Variants in STAT4 observed in about 807,000 individuals in gnomAD.
The protein encoded by STAT4 is signal transducer and activator of transcription 4.
STAT4 carries 42 observed loss-of-function variants against 110.5 expected under a neutral mutation model. The ratio of observed to expected loss-of-function variants is 0.38; its 90% CI spans 0.30 to 0.49. The LOEUF is 0.49. Among genes scored for constraint, STAT4 ranks in the 20% least tolerant of loss-of-function variants. The pLI is 0.95. For synonymous variants in STAT4, 284 were observed against 302.2 expected (o/e 0.94, Z 0.63); for missense variants, 632 against 887.9 (o/e 0.71, Z 3.66).
chr2:191,049,310 G>A (rs576953991), intron 14 of STAT4, among the ~76,000 whole-genome samples: 31 of 151,812 alleles, frequency 2.0e-4, no homozygotes, highest in Non-Finnish European at 3.8e-4. Flanking sequence ...GAGTAGCTGG[G>A]ACTACAGGCA....
At chr2:191,106,960 G>C (rs1354747049) in intron 3 of STAT4, among the ~76,000 whole-genome samples, 1 of 152,218 alleles carries the variant, frequency 6.6e-6, no homozygotes, top group Non-Finnish European at 1.5e-5. Flanking sequence ...GAATGTTGCT[G>C]TCTGGGGAGG....
At chr2:191,097,319 C>T (rs1353549782) in intron 3 of STAT4, among the ~76,000 whole-genome samples, 3 of 152,108 alleles carry the variant, frequency 2.0e-5, no homozygotes, top group South Asian at 4.1e-4. Context: ...CAAGTCAATC[C>T]TAAACAAAAA....
At position 191,032,953 on chromosome 2, in the gene STAT4, C is replaced by T. The variant is rs1695941036; in HGVS notation, c.2044+5G>A. 1 of 1,586,224 alleles carries T rather than the reference C, an allele frequency of 6.3e-7. No homozygotes were observed. The highest frequency in any genetic ancestry group is 1.9e-5 in the Admixed American group (1 of 52,436). ...AAAAAACAAAAACAAACAGAAAAAC[C>T]TAACCTTCGCAAGGCTGAGAGCTGT... On this transcript the variant is annotated splice_donor_5th_base_variant and intron_variant, in intron 21 of 23. Transcript: ENST00000392320. The surrounding 1 kb of genome is among the most constrained non-coding windows in gnomAD (Gnocchi z 4.9).
chr2:191,047,015 G>A (rs1302631013), intron 14 of STAT4, among the ~76,000 whole-genome samples: 1 of 152,120 alleles, frequency 6.6e-6, no homozygotes, highest in Non-Finnish European at 1.5e-5. Flanking sequence ...CTCTGGGAAG[G>A]GGAGAGGGAT....
rs1423422142 is a variant in STAT4, at chr2:191,041,092, G to A, written c.1308C>T (p.Cys436=). The A allele has an allele frequency of 1.3e-6, 2 of 1,496,960 alleles. No individual in the cohort carries two copies. The highest frequency in any genetic ancestry group is 1.8e-6 in the Non-Finnish European group (2 of 1,118,796). The allele number at this position is 1,496,960 out of a possible 1,614,324, so 92.7% of individuals were successfully genotyped here. A position where few individuals can be genotyped will look rare whatever the true frequency, so the allele number is the denominator to read the frequency against. ...LHSITFETQI[C]LYGLTIDLET... The stretch of plus-strand genomic sequence containing the variant: ...CCAAATCTATGGTCAGGCCATAGAG[G>A]CAGATCTGTGTTTCAAACGTTATGG... Residue 436 remains cysteine (C), a synonymous_variant, in exon 15 of 24, where the codon TGC becomes TGT. Transcript: ENST00000392320.
chr2:191,130,783 A>G (rs1160988614), intron 3 of STAT4, among the ~76,000 whole-genome samples: 1 of 151,690 alleles, frequency 6.6e-6, no homozygotes, highest in Non-Finnish European at 1.5e-5. Context: ...GTTATAATTT[A>G]TATCGCATTT....
At chr2:191,132,822 T>C (rs1343387585) in intron 3 of STAT4, among the ~76,000 whole-genome samples, 2 of 150,256 alleles carry the variant, frequency 1.3e-5, no homozygotes, top group Non-Finnish European at 2.9e-5. Flanking sequence ...TGGCGTGATC[T>C]CGGCTCACTG....
Position 191,061,597 on chromosome 2 carries a change from A to C in STAT4, c.1034+132T>G, listed in dbSNP as rs916558375. On this transcript the variant is annotated intron_variant, in intron 10 of 23. Transcript: ENST00000392320. This position sits in a 1 kb window ranked among gnomAD's most constrained non-coding sequence, Gnocchi z 6.2. ...TTTCTGTGGGTATTTCCCCAAGCTC[A>C]GAGCTGGGCACACAGCAGATGGTTC... 11 of 853,684 alleles carry C rather than the reference A, an allele frequency of 1.3e-5. No individual in the cohort carries two copies. In the Middle Eastern group the frequency reaches 1.2e-3, roughly 94 times the overall value. 52.9% of individuals were successfully genotyped at this position (853,684 alleles called of 1,614,324 possible). A position where few individuals can be genotyped will look rare whatever the true frequency, so the allele number is the denominator to read the frequency against.
At chr2:191,070,473 C>T (rs1448915974) in intron 5 of STAT4, among the ~76,000 whole-genome samples, 1 of 152,152 alleles carries the variant, frequency 6.6e-6, no homozygotes, top group African/African-American at 2.4e-5. Context: ...TCCAAGGTCA[C>T]TCAGGTGCTC....
rs558228075 is a variant in STAT4 at position 191,033,677 on chromosome 2, T to C, written c.1716-51A>G. 4.0e-5 allele frequency: 63 copies of C among 1,590,286 alleles called. 1 individual carries two copies. Among genetic ancestry groups the C allele is most frequent in the Non-Finnish European group, 4.9e-5 (57 of 1,170,248 alleles). ...ATCTGATCATTATTGGATTTTCACT[T>C]ATTGCATTTACAAAGACCTACAGTT... On this transcript the variant is annotated intron_variant, in intron 19 of 23. Transcript: ENST00000392320. The surrounding 1 kb of genome is among the most constrained non-coding windows in gnomAD (Gnocchi z 6.9).
intron 4 of STAT4, among the ~76,000 whole-genome samples, chr2:191,075,837 C>CTTTTTTTTTTTTTTTTTTTTTTTTTTT (rs71407854): frequency 8.2e-6 from 1 of 121,488 alleles, no homozygotes; most frequent in African/African-American, 3.3e-5. Context: ...TTCTTTCTTT[C>CTTTTTTTTTTTTTTTTTTTTTTTTTTT]TTTTTTTTTT....
chr2:191,030,913 A>G lies in STAT4; in HGVS notation c.2220+59T>C, dbSNP rs187564975. ...GTATTTCAGCCCCTTTGATTCACAC[A>G]CCACCTTTGCATCGTTGGAAACACC... On this transcript the variant is annotated intron_variant, in intron 23 of 23. Transcript: ENST00000392320. This position sits in a 1 kb window ranked among gnomAD's most constrained non-coding sequence, Gnocchi z 4.4. The G allele has an allele frequency of 1.5e-4, 225 of 1,506,238 alleles. No individual in the cohort carries two copies. The East Asian group carries it at 3.0e-3, about 20-fold the overall frequency. 93.3% of individuals were successfully genotyped at this position (1,506,238 alleles called of 1,614,324 possible).
At position 191,035,763 on chromosome 2, in the gene STAT4, T is replaced by A. The variant is rs1344140060; in HGVS notation, c.1570+401A>T. Among the ~76,000 whole-genome samples, 2 of 152,248 alleles carry A rather than the reference T, an allele frequency of 1.3e-5. No individual in the cohort carries two copies. Among genetic ancestry groups the A allele is most frequent in the Non-Finnish European group, 2.9e-5 (2 of 68,042 alleles). On this transcript the variant is annotated intron_variant, in intron 17 of 23. Coordinates refer to ENST00000392320, the MANE Select transcript of STAT4 (RefSeq NM_003151.4). The surrounding 1 kb of genome is among the most constrained non-coding windows in gnomAD (Gnocchi z 4.7). ...GTTAATGTCAATTGAGACGTTCGTA[T>A]GAACGATCATATGAGGCACCATTAA...
chr2:191,031,980 G>A lies in STAT4; in HGVS notation c.2045-464C>T, dbSNP rs1695909881. On this transcript the variant is annotated intron_variant, in intron 21 of 23. Coordinates refer to ENST00000392320, the MANE Select transcript of STAT4 (RefSeq NM_003151.4). This position sits in a 1 kb window ranked among gnomAD's most constrained non-coding sequence, Gnocchi z 4.8. ...ATCATTGTACTGTAGTAACAGTCAT[G>A]TGCAAACCTCACCTTGGAAAAATTC... 6.6e-6 allele frequency among the ~76,000 whole-genome samples: 1 copy of A among 152,212 alleles called. No homozygotes were observed. The highest frequency in any genetic ancestry group is 1.5e-5 in the Non-Finnish European group (1 of 68,030).
intron 3 of STAT4, among the ~76,000 whole-genome samples, chr2:191,126,204 A>C (rs553793972): frequency 6.6e-6 from 1 of 152,152 alleles, no homozygotes; most frequent in Non-Finnish European, 1.5e-5. Flanking sequence ...TACTTTAACA[A>C]AATTTATATT....
chr2:191,107,892 C>T lies in STAT4; in HGVS notation c.274-31567G>A, dbSNP rs746354165. On this transcript the variant is annotated intron_variant, in intron 3 of 23. Transcript: ENST00000392320. This position sits in a 1 kb window ranked among gnomAD's most constrained non-coding sequence, Gnocchi z 4.2. Reference sequence around the variant, plus strand: ...TGAAGGGCCCAAAGTTTCTACAGAACATTTCTTTCATTGATGCCCATATTT... The same window carrying T: ...TGAAGGGCCCAAAGTTTCTACAGAATATTTCTTTCATTGATGCCCATATTT... 6.6e-6 allele frequency among the ~76,000 whole-genome samples: 1 copy of T among 152,174 alleles called. No homozygotes were observed. The highest frequency in any genetic ancestry group is 1.5e-5 in the Non-Finnish European group (1 of 68,042).
At chr2:191,078,240 T>C (rs1697367273) in intron 3 of STAT4, among the ~76,000 whole-genome samples, 1 of 152,152 alleles carries the variant, frequency 6.6e-6, no homozygotes, top group Non-Finnish European at 1.5e-5. Context: ...TATTTGCCTG[T>C]TTTTCTCACA....
chr2:191,072,577 C>T (rs1222889008), intron 5 of STAT4, among the ~76,000 whole-genome samples: 2 of 151,978 alleles, frequency 1.3e-5, no homozygotes, highest in East Asian at 1.9e-4. Context: ...GAAATGAATG[C>T]TATGTAAGTT....
rs1429394798 is a variant in STAT4, at chr2:191,107,565, G to A, written c.274-31240C>T. 2.0e-5 allele frequency among the ~76,000 whole-genome samples: 3 copies of A among 152,184 alleles called. No individual in the cohort carries two copies. The highest frequency in any genetic ancestry group is 4.4e-5 in the Non-Finnish European group (3 of 68,036). On this transcript the variant is annotated intron_variant, in intron 3 of 23. Transcript: ENST00000392320. The surrounding 1 kb of genome is among the most constrained non-coding windows in gnomAD (Gnocchi z 4.2). ...TCATGTTGCTAATAAATCTGAGGCA[G>A]GGTTTTAACCCCAGGTATCTGATCT...
Sources: allele counts gnomAD v4.1 joint callset (sites outside exome capture counted in the v4.1 genomes callset), GRCh38; gene constraint gnomAD v4.1.1; non-coding constraint Gnocchi (gnomAD v3.1); transcripts MANE v1.5; gene names NCBI Gene and HGNC (gene_info 2026-07-23, HGNC 2026-07-21).